Variants in EIPR1 observed in about 807,000 individuals in gnomAD.
EIPR1 encodes the protein EARP and GARP complex-interacting protein 1.
In EIPR1, 25 loss-of-function variants were observed where a neutral mutation model predicts 48.1. The ratio of observed to expected loss-of-function variants is 0.52; its 90% CI spans 0.38 to 0.73. The LOEUF (loss-of-function observed/expected upper bound fraction) is 0.73, where lower values mean the gene tolerates loss of function less well. Ranked by LOEUF, EIPR1 falls within the 30% of genes least tolerant of loss-of-function variation. The probability of loss-of-function intolerance (pLI) is 0.00; values close to 1 mark genes in which losing one functional copy is unlikely to be tolerated. For synonymous variants in EIPR1, 204 were observed against 201.9 expected, an observed-to-expected ratio of 1.01 and a Z score of -0.09; for missense variants, 415 against 506.2, an observed-to-expected ratio of 0.82 and a Z score of 1.73.
At chr2:3,364,377 C>T (rs915577216) in intron 1 of EIPR1, among the ~76,000 whole-genome samples, 2 of 152,128 alleles carry the variant, frequency 1.3e-5, no homozygotes, top group South Asian at 2.1e-4. Flanking sequence ...TGCCTATAAT[C>T]CCCGCACTTT....
In EIPR1 at chr2:3,189,636, T is replaced by A; in HGVS notation, c.990-128A>T. ...ACTGGGGCCTCAGCTTTCTCCGCTG[T>A]GGGATGGGAAGAATTAGAGGAGCCC... On this transcript the variant is annotated intron_variant, in intron 8 of 8. Coordinates refer to ENST00000382125, the MANE Select transcript of EIPR1 (RefSeq NM_003310.5). The surrounding 1 kb of genome is among the most constrained non-coding windows in gnomAD (Gnocchi z 4.6). 1.1e-6 allele frequency: 1 copy of A among 899,148 alleles called. No homozygotes were observed. The highest frequency in any genetic ancestry group is 1.6e-6 in the Non-Finnish European group (1 of 639,070). The allele number at this position is 899,148 out of a possible 1,614,324, so 55.7% of individuals were successfully genotyped here.
intron 3 of EIPR1, among the ~76,000 whole-genome samples, chr2:3,263,958 T>A (rs1264759820): frequency 6.6e-6 from 1 of 152,258 alleles, no homozygotes; most frequent in Non-Finnish European, 1.5e-5. Flanking sequence ...TACTTATCAT[T>A]TTTTGTTGTG....
At chr2:3,224,396 C>T (rs1180526963) in intron 4 of EIPR1, among the ~76,000 whole-genome samples, 2 of 152,170 alleles carry the variant, frequency 1.3e-5, no homozygotes, top group East Asian at 3.9e-4. Context: ...TTACTTTACA[C>T]CTTAGGTTGC....
intron 4 of EIPR1, among the ~76,000 whole-genome samples, chr2:3,245,653 T>C (rs1343213920): frequency 1.3e-5 from 2 of 152,220 alleles, no homozygotes; most frequent in Non-Finnish European, 1.5e-5. Context: ...GGAAAGCTAA[T>C]AGACAACTCT....
rs899792688 is a variant in EIPR1, at chr2:3,309,760, G to C, written c.259+28257C>G. ...CCCAAAACGACAGATGCTTCCCGAT[G>C]GGAGTGAAGGTTGAAGAGACCGGTC... is the stretch of plus-strand genomic sequence containing the variant. On this transcript the variant is annotated intron_variant, in intron 3 of 8. Coordinates refer to ENST00000382125, the MANE Select transcript of EIPR1 (RefSeq NM_003310.5). Among the ~76,000 whole-genome samples the C allele has an allele frequency of 2.0e-5, 3 of 152,194 alleles. No individual in the cohort carries two copies. The East Asian group carries it at 5.8e-4, about 29-fold the overall frequency.
intron 4 of EIPR1, among the ~76,000 whole-genome samples, chr2:3,223,470 G>A (rs1665962424): frequency 6.6e-6 from 1 of 152,186 alleles, no homozygotes; most frequent in African/African-American, 2.4e-5. Flanking sequence ...CGAAGGAGGA[G>A]GGAAGAATTC....
At chr2:3,373,478 C>T (rs569295899) in intron 1 of EIPR1, among the ~76,000 whole-genome samples, 1 of 151,870 alleles carries the variant, frequency 6.6e-6, no homozygotes, top group South Asian at 2.1e-4. Context: ...TCTAGAAAAC[C>T]CCATTGTCTC....
chr2:3,363,584 T>C (rs1670901558), intron 1 of EIPR1, among the ~76,000 whole-genome samples: 3 of 152,192 alleles, frequency 2.0e-5, no homozygotes, highest in South Asian at 4.1e-4. Flanking sequence ...TAGTCCCAAC[T>C]GCTCAGGAGG....
intron 3 of EIPR1, among the ~76,000 whole-genome samples, chr2:3,320,964 A>G (rs1454466414): frequency 6.6e-6 from 1 of 152,208 alleles, no homozygotes; most frequent in Admixed American, 6.5e-5. Flanking sequence ...AAAATGCAAA[A>G]TGTTTTCATT....
chr2:3,199,061 G>GCCCCCC (rs1334678710), intron 5 of EIPR1, among the ~76,000 whole-genome samples: 20 of 22,528 alleles, frequency 8.9e-4, no homozygotes, highest in Non-Finnish European at 1.2e-3. Context: ...ATTTTAGAGG[G>GCCCCCC]CCCCCCCCCC....
At chr2:3,282,788 G>A (rs965244594) in intron 3 of EIPR1, 1 of 152,268 alleles carries the variant, frequency 6.6e-6, no homozygotes, top group African/African-American at 2.4e-5. Context: ...CCGTGCTCCA[G>A]GAACAAGGAG....
chr2:3,268,345 G>A (rs1382967911), intron 3 of EIPR1, among the ~76,000 whole-genome samples: 4 of 152,138 alleles, frequency 2.6e-5, no homozygotes, highest in East Asian at 3.9e-4. Flanking sequence ...AGCTGTGACC[G>A]CCCACTCCCC....
At chr2:3,283,803 C>T (rs1418135726) in intron 3 of EIPR1, among the ~76,000 whole-genome samples, 2 of 151,912 alleles carry the variant, frequency 1.3e-5, no homozygotes, top group African/African-American at 2.4e-5. Context: ...ATTAGCCGGG[C>T]GTGGTGGCGG....
intron 4 of EIPR1, among the ~76,000 whole-genome samples, chr2:3,244,584 C>T (rs550821805): frequency 2.6e-5 from 4 of 152,280 alleles, no homozygotes; most frequent in Non-Finnish European, 5.9e-5. Context: ...AATCAGTGCC[C>T]TTTATCAAAG....
At chr2:3,298,119 CTATT>C (rs1350479009) in intron 3 of EIPR1, among the ~76,000 whole-genome samples, 1 of 152,170 alleles carries the variant, frequency 6.6e-6, no homozygotes, top group Non-Finnish European at 1.5e-5. Flanking sequence ...ATTTCCTGCT[CTATT>C]TATTGTATTT....
At chr2:3,244,983 A>T (rs1213326210) in intron 4 of EIPR1, among the ~76,000 whole-genome samples, 1 of 152,158 alleles carries the variant, frequency 6.6e-6, no homozygotes, top group Non-Finnish European at 1.5e-5. Context: ...GTAATTATCT[A>T]TATTTTCTGC....
intron 2 of EIPR1, among the ~76,000 whole-genome samples, chr2:3,341,212 G>A (rs1252688242): frequency 1.3e-5 from 2 of 150,372 alleles, no homozygotes; most frequent in East Asian, 2.0e-4. Context: ...AACAACACAC[G>A]CACAGACAAT....
Position 3,339,221 on chromosome 2 carries a change from G to C in EIPR1, c.127-1072C>G, listed in dbSNP as rs552099825. Among the ~76,000 whole-genome samples the C allele has an allele frequency of 8.3e-4, 127 of 152,322 alleles. 1 individual carries two copies. Among genetic ancestry groups the C allele is most frequent in the Admixed American group, 6.1e-3 (93 of 15,302 alleles). ...TGTCCAAATGAGAACCAGCAGGTAG[G>C]TACCTGAGTGGTGTCTGGATGGTGG... On this transcript the variant is annotated intron_variant, in intron 2 of 8. Transcript: ENST00000382125.
chr2:3,230,888 C>A (rs559435384), intron 4 of EIPR1, among the ~76,000 whole-genome samples: 1 of 152,216 alleles, frequency 6.6e-6, no homozygotes, highest in South Asian at 2.1e-4. Context: ...TGGATAAATG[C>A]CATCAGAACT....
Sources: allele counts gnomAD v4.1 joint callset (sites outside exome capture counted in the v4.1 genomes callset), GRCh38; gene constraint gnomAD v4.1.1; non-coding constraint Gnocchi (gnomAD v3.1); transcripts MANE v1.5; gene names NCBI Gene and HGNC (gene_info 2026-07-23, HGNC 2026-07-21).